OPCML: variants seen among roughly 807,000 people sequenced by gnomAD.
The protein encoded by OPCML is opioid-binding protein/cell adhesion molecule.
Under a neutral mutation model 37.8 loss-of-function variants are expected in OPCML, and 13 were observed. The observed-to-expected ratio is 0.34, with a 90% confidence interval of 0.22 to 0.55. OPCML has a LOEUF of 0.55. Among genes scored for constraint, OPCML ranks in the 20% least tolerant of loss-of-function variants. The pLI is 0.91. For synonymous variants in OPCML, 176 were observed against 168.8 expected (o/e 1.04, Z -0.33); for missense variants, 341 against 435.6 (o/e 0.78, Z 1.93).
chr11:132,984,420 T>C (rs933139666), intron 1 of OPCML, among the ~76,000 whole-genome samples: 6 of 152,244 alleles, frequency 3.9e-5, no homozygotes, highest in African/African-American at 1.4e-4. Context: ...TCTGGCACAC[T>C]GAATAAGACA....
chr11:133,035,278 C>A (rs11820926), intron 1 of OPCML, among the ~76,000 whole-genome samples: 15,766 of 152,218 alleles, frequency 0.1, 1,295 homozygotes, highest in East Asian at 0.3. Context: ...ACTTTCTACT[C>A]CATCAACCAC....
At chr11:133,045,139 C>T (rs1182613596) in intron 1 of OPCML, among the ~76,000 whole-genome samples, 1 of 152,286 alleles carries the variant, frequency 6.6e-6, no homozygotes, top group East Asian at 1.9e-4. Context: ...TCACACATAC[C>T]CCCGGCTCTG....
intron 1 of OPCML, among the ~76,000 whole-genome samples, chr11:132,996,489 G>A (rs1461633072): frequency 1.5e-4 from 22 of 151,222 alleles, no homozygotes; most frequent in African/African-American, 1.9e-4. Context: ...TTAGCTGGGC[G>A]TAGTCCCAGC....
At chr11:132,949,471 C>T (rs1027134009) in intron 1 of OPCML, among the ~76,000 whole-genome samples, 1 of 152,156 alleles carries the variant, frequency 6.6e-6, no homozygotes, top group Non-Finnish European at 1.5e-5. Context: ...AACTGAGCTG[C>T]CTGCTGAGTA....
intron 1 of OPCML, among the ~76,000 whole-genome samples, chr11:133,336,131 C>G (rs150634252): frequency 6.6e-6 from 1 of 152,106 alleles, no homozygotes; most frequent in Non-Finnish European, 1.5e-5. Context: ...GCCAAGGTAC[C>G]CAATCAAAGT....
At chr11:132,942,836 T>C in intron 2 of OPCML, 90 bp downstream of exon 2, 1 of 1,528,256 alleles carries the variant, frequency 6.5e-7, no homozygotes, top group South Asian at 1.2e-5. Flanking sequence ...CGCGTTCCGG[T>C]CCCCCATGGA....
intron 1 of OPCML, among the ~76,000 whole-genome samples, chr11:133,265,077 C>T (rs1941617609): frequency 6.6e-6 from 1 of 152,076 alleles, no homozygotes; most frequent in Non-Finnish European, 1.5e-5. Context: ...TGGTGTGACA[C>T]AGGGTAACTT....
At chr11:132,834,782 G>T (rs1240443983) in intron 2 of OPCML, among the ~76,000 whole-genome samples, 3 of 152,154 alleles carry the variant, frequency 2.0e-5, no homozygotes, top group Non-Finnish European at 4.4e-5. Context: ...ACATTCACAG[G>T]CAAGAGAGCG....
intron 3 of OPCML, among the ~76,000 whole-genome samples, chr11:132,651,286 C>T (rs1463031870): frequency 3.3e-5 from 5 of 152,196 alleles, no homozygotes; most frequent in African/African-American, 2.4e-5. Flanking sequence ...TAGTGTAACT[C>T]GGACAAATCA....
rs1939399353 is a variant in OPCML at position 133,212,401 on chromosome 11, T to A, written c.62-269391A>T. On this transcript the variant is annotated intron_variant, in intron 1 of 7. Transcript: ENST00000524381. The surrounding 1 kb of genome is among the most constrained non-coding windows in gnomAD (Gnocchi z 4.9). ...ACTACTCTGCTGTTCATCAAATACA[T>A]CAAGAATTTCGTATGCCCTGCTTCC... Among the ~76,000 whole-genome samples, 1 of 152,120 alleles carries A rather than the reference T, an allele frequency of 6.6e-6. No homozygotes were observed. Among genetic ancestry groups the A allele is most frequent in the Non-Finnish European group, 1.5e-5 (1 of 68,006 alleles).
chr11:133,106,305 C>T (rs1011684602), intron 1 of OPCML, among the ~76,000 whole-genome samples: 5 of 152,192 alleles, frequency 3.3e-5, no homozygotes, highest in Non-Finnish European at 5.9e-5. Flanking sequence ...TTTGGGCCTG[C>T]AGGTTTCTAG....
intron 4 of OPCML, among the ~76,000 whole-genome samples, chr11:132,525,219 A>G (rs1181143892): frequency 6.6e-6 from 1 of 152,170 alleles, no homozygotes; most frequent in Non-Finnish European, 1.5e-5. Flanking sequence ...CAATGTGATA[A>G]TGGATTTATT....
At chr11:132,686,116 C>T (rs747916876) in intron 2 of OPCML, among the ~76,000 whole-genome samples, 1 of 152,206 alleles carries the variant, frequency 6.6e-6, no homozygotes, top group Non-Finnish European at 1.5e-5. Context: ...TCCAAACCTT[C>T]TGATCTATTT....
intron 1 of OPCML, among the ~76,000 whole-genome samples, chr11:133,290,451 G>T (rs919940539): frequency 6.6e-6 from 1 of 152,198 alleles, no homozygotes; most frequent in African/African-American, 2.4e-5. Context: ...CCCCCGTAAG[G>T]ACCATCAGAA....
chr11:132,728,381 G>C (rs1039207142), intron 2 of OPCML, among the ~76,000 whole-genome samples: 1 of 152,190 alleles, frequency 6.6e-6, no homozygotes, highest in Non-Finnish European at 1.5e-5. Flanking sequence ...CACTGTGAAG[G>C]CATCGTTTGG....
At chr11:133,329,038 AAC>A (rs985178788) in intron 1 of OPCML, among the ~76,000 whole-genome samples, 1 of 152,180 alleles carries the variant, frequency 6.6e-6, no homozygotes, top group African/African-American at 2.4e-5. Flanking sequence ...ATACACCAAT[AAC>A]AGACAAACAG....
intron 2 of OPCML, among the ~76,000 whole-genome samples, chr11:132,847,478 T>G (rs1038708210): frequency 6.6e-6 from 1 of 152,228 alleles, no homozygotes; most frequent in Admixed American, 6.5e-5. Context: ...CCCTATCTTC[T>G]TTAGATTATA....
At chr11:132,449,362 T>C (rs910390978) in intron 4 of OPCML, among the ~76,000 whole-genome samples, 5 of 152,212 alleles carry the variant, frequency 3.3e-5, no homozygotes, top group African/African-American at 1.2e-4. Context: ...CTCTCCTTGA[T>C]GGGTAGACTG....
chr11:133,276,119 G>A (rs1941986704), intron 1 of OPCML, among the ~76,000 whole-genome samples: 1 of 151,996 alleles, frequency 6.6e-6, no homozygotes, highest in South Asian at 2.1e-4. Flanking sequence ...TACAAACCAT[G>A]GAAAATATGT....
Sources: allele counts gnomAD v4.1 joint callset (sites outside exome capture counted in the v4.1 genomes callset), GRCh38; gene constraint gnomAD v4.1.1; non-coding constraint Gnocchi (gnomAD v3.1); transcripts MANE v1.5; gene names NCBI Gene and HGNC (gene_info 2026-07-23, HGNC 2026-07-21).